The following EDC3 variants were observed in gnomAD, a reference collection of about 807,000 sequenced individuals.
EDC3 encodes the protein enhancer of mRNA decapping 3.
EDC3 carries 20 observed loss-of-function variants against 41.8 expected under a neutral mutation model. The observed-to-expected ratio is 0.48, with a 90% CI of 0.34 to 0.70. The LOEUF is 0.70. EDC3 is among the 30% of genes least tolerant of loss of function. The probability of loss-of-function intolerance (pLI) is 0.01; values close to 1 mark genes in which losing one functional copy is unlikely to be tolerated. For synonymous variants in EDC3, 206 were observed against 243.2 expected (o/e 0.85, Z 1.42); for missense variants, 444 against 636.8 (o/e 0.70, Z 3.26).
intron 1 of EDC3, among the ~76,000 whole-genome samples, chr15:74,688,589 T>C (rs2062965199): frequency 6.6e-6 from 1 of 152,104 alleles, no homozygotes; most frequent in African/African-American, 2.4e-5. Flanking sequence ...TCTTTCAGAG[T>C]GTTTGTCTTC....
intron 3 of EDC3, among the ~76,000 whole-genome samples, chr15:74,664,496 T>C (rs1042771438): frequency 7.2e-5 from 11 of 152,258 alleles, no homozygotes; most frequent in African/African-American, 2.4e-4. Flanking sequence ...AACAAACCCA[T>C]TGTTGTGTAA....
intron 1 of EDC3, among the ~76,000 whole-genome samples, chr15:74,677,504 C>T (rs988016330): frequency 6.6e-6 from 1 of 151,918 alleles, no homozygotes; most frequent in African/African-American, 2.4e-5. Context: ...GTTGGGACTA[C>T]AGACACGTGC....
intron 5 of EDC3, chr15:74,638,758 C>G (rs2062307784): frequency 6.6e-6 from 1 of 152,148 alleles, no homozygotes; most frequent in Non-Finnish European, 1.5e-5. Context: ...TTTCCTATCA[C>G]AGTGAATGTA....
chr15:74,647,330 G>C (rs922052880), intron 4 of EDC3, among the ~76,000 whole-genome samples: 3 of 152,096 alleles, frequency 2.0e-5, no homozygotes, highest in African/African-American at 7.2e-5. Context: ...ACTCTGTCTA[G>C]GCACTTGTGG....
chr15:74,652,780 T>G (rs1042293489), intron 4 of EDC3, among the ~76,000 whole-genome samples: 1 of 151,296 alleles, frequency 6.6e-6, no homozygotes, highest in Non-Finnish European at 1.5e-5. Flanking sequence ...GGGTCTCACT[T>G]TGTTGCCCAG....
intron 3 of EDC3, among the ~76,000 whole-genome samples, chr15:74,670,591 G>A (rs1479943353): frequency 2.6e-5 from 4 of 152,032 alleles, no homozygotes; most frequent in South Asian, 2.1e-4. Flanking sequence ...CTCCACGTCC[G>A]GATAATTTTT....
rs943088006 is a variant in EDC3, at chr15:74,631,099, C to G, written c.*1513G>C. On this transcript the variant is annotated 3_prime_UTR_variant, in exon 7 of 7. Transcript: ENST00000315127. ...CCTGGCCTCTTCCCATCGCTGGAGA[C>G]AATTTAAGACTGAAGGGAAGATGAG... 1 of 152,276 alleles carries G rather than the reference C, an allele frequency of 6.6e-6. No homozygotes were observed. The allele number at this position is 152,276 out of a possible 1,614,324, so 9.4% of individuals were successfully genotyped here.
chr15:74,663,486 A>G (rs1216540995), intron 3 of EDC3, among the ~76,000 whole-genome samples: 2 of 152,014 alleles, frequency 1.3e-5, no homozygotes, highest in African/African-American at 4.8e-5. Flanking sequence ...CTGAGCGCCA[A>G]CGTGATGTTC....
At chr15:74,634,463 C>G (rs982911051) in intron 6 of EDC3, among the ~76,000 whole-genome samples, 2 of 152,206 alleles carry the variant, frequency 1.3e-5, no homozygotes, top group African/African-American at 4.8e-5. Context: ...TAACTCTAGG[C>G]TGAATCCTTT....
chr15:74,682,564 G>A (rs2062883725), intron 1 of EDC3, among the ~76,000 whole-genome samples: 1 of 145,018 alleles, frequency 6.9e-6, no homozygotes. Flanking sequence ...CTTGCAGTGA[G>A]CCGAGATGGG....
chr15:74,682,150 T>TA (rs1370065376), intron 1 of EDC3, among the ~76,000 whole-genome samples: 1 of 152,068 alleles, frequency 6.6e-6, no homozygotes, highest in African/African-American at 2.4e-5. Flanking sequence ...GGCAGGTTAT[T>TA]AAAAAAACTA....
chr15:74,681,247 G>A (rs1297395774), intron 1 of EDC3, among the ~76,000 whole-genome samples: 2 of 152,236 alleles, frequency 1.3e-5, no homozygotes, highest in Admixed American at 1.3e-4. Flanking sequence ...TCCACCTCCC[G>A]GGTGCAAGCA....
chr15:74,693,143 C>G (rs564865951), intron 1 of EDC3: 2 of 152,334 alleles, frequency 1.3e-5, no homozygotes, highest in Admixed American at 6.5e-5. Flanking sequence ...ATTCCAGGTA[C>G]AAGCCTACCA....
chr15:74,671,543 C>G lies in EDC3; in HGVS notation c.396G>C (p.Pro132=). ...DVKSQDVAVS[P]QQQQCSKSYV... ...AGCTCTTTGAGCACTGTTGCTGCTG[C>G]GGGGAAACGGCAACATCCTGGCTCT... The change falls in exon 3 of 7, where the codon CCG becomes CCC. Residue 132 remains proline (P), a synonymous_variant. Coordinates refer to ENST00000315127, the MANE Select transcript of EDC3 (RefSeq NM_025083.5). The surrounding 1 kb of genome is among the most constrained non-coding windows in gnomAD (Gnocchi z 4.6). The G allele has an allele frequency of 3.1e-6, 5 of 1,614,178 alleles. No individual in the cohort carries two copies. The highest frequency in any genetic ancestry group is 4.2e-6 in the Non-Finnish European group (5 of 1,180,038).
chr15:74,694,207 A>T (rs1460984303), intron 1 of EDC3, among the ~76,000 whole-genome samples: 3 of 152,196 alleles, frequency 2.0e-5, no homozygotes, highest in Non-Finnish European at 4.4e-5. Context: ...AGGATTTTAA[A>T]CATTTTCTAA....
At chr15:74,676,561 G>A (rs1403589880) in intron 1 of EDC3, among the ~76,000 whole-genome samples, 2 of 152,178 alleles carry the variant, frequency 1.3e-5, no homozygotes, top group Middle Eastern at 3.4e-3. Context: ...CCTTATGCCA[G>A]CAAATTTGAC....
rs1472906706 is a variant in EDC3, at chr15:74,661,736, AAAAAAAAG to A, written c.485-5676_485-5669del. ...ACAGGGCGAGACTCTGTCTCAAAAA[AAAAAAAAG>A]AAAAAGAAAAAGAAAAAGAAAAAAT... On this transcript the variant is annotated intron_variant, in intron 3 of 6. Transcript: ENST00000315127. 2.0e-4 allele frequency among the ~76,000 whole-genome samples: 30 copies of A among 149,820 alleles called. No homozygotes were observed. In the East Asian group the frequency reaches 3.9e-3, roughly 19 times the overall value.
intron 1 of EDC3, among the ~76,000 whole-genome samples, chr15:74,693,712 G>A (rs529720039): frequency 6.6e-6 from 1 of 152,210 alleles, no homozygotes; most frequent in Non-Finnish European, 1.5e-5. Flanking sequence ...GACCAGGCGC[G>A]GTGGCTCACA....
At chr15:74,686,008 CAT>C in intron 1 of EDC3, among the ~76,000 whole-genome samples, 1 of 152,060 alleles carries the variant, frequency 6.6e-6, no homozygotes, top group Non-Finnish European at 1.5e-5. Flanking sequence ...GCCTGACCAA[CAT>C]GATGAAACCC....
Sources: allele counts gnomAD v4.1 joint callset (sites outside exome capture counted in the v4.1 genomes callset), GRCh38; gene constraint gnomAD v4.1.1; non-coding constraint Gnocchi (gnomAD v3.1); transcripts MANE v1.5; gene names NCBI Gene and HGNC (gene_info 2026-07-23, HGNC 2026-07-21).